TSC22D3: variants seen among roughly 807,000 people sequenced by gnomAD.
The protein encoded by TSC22D3 is TSC22 domain family protein 3.
In TSC22D3, 4 loss-of-function variants were observed where a neutral mutation model predicts 11.1. The ratio of observed to expected loss-of-function variants is 0.36; its 90% CI spans 0.18 to 0.83. The LOEUF is 0.83. Ranked by LOEUF, TSC22D3 falls within the 40% of genes least tolerant of loss-of-function variation. TSC22D3 has a pLI of 0.48. For missense variants in TSC22D3, 118 were observed against 159.4 expected, an observed-to-expected ratio of 0.74 and a Z score of 1.40; for synonymous variants, 77 against 70.3, an observed-to-expected ratio of 1.10 and a Z score of -0.48.
In TSC22D3 at chrX:107,761,810, A is replaced by G. The variant is rs766372261; in HGVS notation, c.320+13290T>C. Reference sequence around the variant, plus strand: ...GGAGGAGCTTCAAAATCCACATCTTAGGGCATTAGCAGTGACTGGGTTCAT... The same window carrying G: ...GGAGGAGCTTCAAAATCCACATCTTGGGGCATTAGCAGTGACTGGGTTCAT... On this transcript the variant is annotated intron_variant, in intron 1 of 2. Coordinates refer to ENST00000372383, the MANE Select transcript of TSC22D3 (RefSeq NM_198057.3). 5.3e-5 allele frequency among the ~76,000 whole-genome samples: 6 copies of G among 112,290 alleles called. No homozygotes were observed. In the South Asian group the frequency reaches 2.2e-3, roughly 42 times the overall value.
chrX:107,732,957 C>T (rs1322415566), intron 1 of TSC22D3, among the ~76,000 whole-genome samples: 1 of 110,338 alleles, frequency 9.1e-6, no homozygotes, highest in Non-Finnish European at 1.9e-5. Context: ...AAAAATTAGC[C>T]AGGCATGGTG....
At chrX:107,771,965 C>T (rs1287335593) in intron 1 of TSC22D3, among the ~76,000 whole-genome samples, 1 of 112,449 alleles carries the variant, frequency 8.9e-6, no homozygotes, top group Non-Finnish European at 1.9e-5. Context: ...AAAATCTTTA[C>T]AAGGGACCAC....
At chrX:107,739,389 C>T (rs186818737) in intron 1 of TSC22D3, among the ~76,000 whole-genome samples, 2 of 112,694 alleles carry the variant, frequency 1.8e-5, no homozygotes, top group East Asian at 5.6e-4. Context: ...CACACAGGCG[C>T]GTGCACACAC....
chrX:107,736,227 G>T (rs1241284167), intron 1 of TSC22D3, among the ~76,000 whole-genome samples: 1 of 111,682 alleles, frequency 9.0e-6, no homozygotes, highest in Non-Finnish European at 1.9e-5. Context: ...AGCCTGAGTG[G>T]TAAGGGGCTA....
intron 1 of TSC22D3, among the ~76,000 whole-genome samples, chrX:107,723,641 C>T (rs898758416): frequency 8.9e-6 from 1 of 112,913 alleles, no homozygotes. Flanking sequence ...TATGTGTCTG[C>T]ACCAGCCCTC....
intron 1 of TSC22D3, among the ~76,000 whole-genome samples, chrX:107,739,354 T>C (rs1928287693): frequency 8.9e-6 from 1 of 112,916 alleles, no homozygotes; most frequent in African/African-American, 3.2e-5. Flanking sequence ...ACTTCAATGC[T>C]GCAGGCTCCA....
intron 1 of TSC22D3, among the ~76,000 whole-genome samples, chrX:107,725,433 C>A (rs897353980): frequency 9.0e-6 from 1 of 111,376 alleles, no homozygotes; most frequent in Non-Finnish European, 1.9e-5. Context: ...GTGTTTTGGA[C>A]GCAGCTCTTT....
chrX:107,741,286 G>A (rs937674012), intron 1 of TSC22D3, among the ~76,000 whole-genome samples: 17 of 112,203 alleles, frequency 1.5e-4, no homozygotes, highest in African/African-American at 5.2e-4. Flanking sequence ...GTGAGGACTG[G>A]GAGAAGGGGC....
At chrX:107,749,742 T>C (rs950720943) in intron 1 of TSC22D3, among the ~76,000 whole-genome samples, 2 of 111,917 alleles carry the variant, frequency 1.8e-5, no homozygotes, top group Non-Finnish European at 3.8e-5. Context: ...ACACTGTAAT[T>C]GGGAGTGTTG....
chrX:107,733,032 G>A (rs1249193928), intron 1 of TSC22D3, among the ~76,000 whole-genome samples: 2 of 108,371 alleles, frequency 1.8e-5, no homozygotes, highest in South Asian at 4.1e-4. Context: ...CCAGGAAGTC[G>A]AGGCTGCAGT....
At chrX:107,763,831 G>A (rs1929549762) in intron 1 of TSC22D3, among the ~76,000 whole-genome samples, 2 of 112,340 alleles carry the variant, frequency 1.8e-5, no homozygotes. Flanking sequence ...TTTAGCAAAG[G>A]ATGACATTAA....
chrX:107,714,706 AC>A lies in TSC22D3; in HGVS notation c.415del (p.Val139TrpfsTer4). ...NHLMYAVREEVEILKEQIREL... is the reference protein window; with the variant it reads ...NHLMYAVREEXEILKEQIREL... The stretch of plus-strand genomic sequence containing the variant: ...TCGGATCTGCTCCTTCAGGATCTCC[AC>A]CTCCTCTCTCACAGCATACATCAGA... On this transcript the variant is annotated frameshift_variant, in exon 3 of 3. Coordinates refer to ENST00000372383, the MANE Select transcript of TSC22D3 (RefSeq NM_198057.3). LOFTEE classifies it high-confidence loss of function. 1 of 1,210,941 alleles carries A rather than the reference AC, an allele frequency of 8.3e-7. No individual in the cohort carries two copies. The highest frequency in any genetic ancestry group is 1.1e-6 in the Non-Finnish European group (1 of 895,223).
At chrX:107,737,222 G>T (rs1421297102) in intron 1 of TSC22D3, among the ~76,000 whole-genome samples, 3 of 111,571 alleles carry the variant, frequency 2.7e-5, no homozygotes, top group Non-Finnish European at 5.7e-5. Flanking sequence ...TAAATGACTT[G>T]TGAAGATCCT....
chrX:107,734,099 T>A (rs1320220979), intron 1 of TSC22D3, among the ~76,000 whole-genome samples: 2 of 111,783 alleles, frequency 1.8e-5, no homozygotes, highest in Non-Finnish European at 3.8e-5. Context: ...GTCTGGGGCA[T>A]CCTCTAAATT....
chrX:107,771,830 C>T lies in TSC22D3; in HGVS notation c.320+3270G>A, dbSNP rs761960883. Among the ~76,000 whole-genome samples the T allele has an allele frequency of 4.5e-5, 5 of 112,136 alleles. No homozygotes were observed. In the South Asian group the frequency reaches 1.8e-3, roughly 41 times the overall value. On this transcript the variant is annotated intron_variant, in intron 1 of 2. Coordinates refer to ENST00000372383, the MANE Select transcript of TSC22D3 (RefSeq NM_198057.3). ...GGCTGCATGCCCATTCTCACTGATT[C>T]GTATGTATATACACAGCACTATCAG...
intron 1 of TSC22D3, among the ~76,000 whole-genome samples, chrX:107,753,950 C>T (rs1390434167): frequency 9.5e-6 from 1 of 105,215 alleles, no homozygotes; most frequent in Non-Finnish European, 1.9e-5. Flanking sequence ...GAGTCTTACT[C>T]TGTTGCCCAG....
intron 1 of TSC22D3, among the ~76,000 whole-genome samples, chrX:107,772,032 A>G (rs1280403301): frequency 3.1e-4 from 35 of 112,717 alleles, no homozygotes; most frequent in African/African-American, 1.1e-3. Context: ...TTGGCTGTAT[A>G]ACTAAAAGCC....
chrX:107,739,950 A>G (rs1203547658), intron 1 of TSC22D3, among the ~76,000 whole-genome samples: 2 of 112,718 alleles, frequency 1.8e-5, no homozygotes, highest in Admixed American at 1.9e-4. Flanking sequence ...GGCAATGGGA[A>G]TGAATACCAG....
upstream of TSC22D3, chrX:107,775,845 C>T (rs754975744): frequency 9.9e-4 from 116 of 116,845 alleles, no homozygotes; most frequent in Non-Finnish European, 1.6e-3. Context: ...TGCTCCCTCC[C>T]TCCTTTGCTC....
Sources: gnomAD v4.1 joint callset for allele counts (sites outside exome capture counted in the v4.1 genomes callset) on GRCh38, gnomAD v4.1.1 for gene constraint, MANE v1.5 for transcripts, NCBI Gene and HGNC (gene_info 2026-07-23, HGNC 2026-07-21) for gene names.